Variants in CAST observed in about 807,000 individuals in gnomAD.
CAST encodes calpastatin, also known as MIR583 host.
In CAST, 76 loss-of-function variants were observed where a neutral mutation model predicts 119.6. The observed-to-expected ratio is 0.64, with a 90% CI of 0.53 to 0.77. The LOEUF is 0.77. CAST is among the 30% of genes least tolerant of loss of function. The pLI is 0.00. For synonymous variants in CAST, 319 were observed against 331.6 expected (o/e 0.96, Z 0.41); for missense variants, 953 against 946.5 (o/e 1.01, Z -0.09).
At chr5:96,491,524 A>AAAAAAAAAAAAAC in the CAST span, among the ~76,000 whole-genome samples, 1 of 143,784 alleles carries the variant, frequency 7.0e-6, no homozygotes, top group Non-Finnish European at 1.5e-5. Context: ...AAAAAAAAAA[A>AAAAAAAAAAAAAC]ATTAAAAAGA....
the CAST span, among the ~76,000 whole-genome samples, chr5:96,301,517 C>T: frequency 9.4e-4 from 143 of 152,264 alleles, no homozygotes; most frequent in African/African-American, 3.4e-3. Flanking sequence ...CAAGGCAAGT[C>T]TCTTCCACCT....
At chr5:96,120,993 A>G in the CAST span, among the ~76,000 whole-genome samples, 1 of 151,932 alleles carries the variant, frequency 6.6e-6, no homozygotes, top group Admixed American at 6.6e-5. Context: ...GACCTTTCCT[A>G]GCCACCTTGT....
chr5:95,961,753 C>T, the CAST span: 6 of 1,570,986 alleles, frequency 3.8e-6, no homozygotes, highest in African/African-American at 1.4e-5. Context: ...CCGCCGCCGC[C>T]GCTCCGGCTC....
At chr5:96,144,800 C>G in the CAST span, among the ~76,000 whole-genome samples, 1 of 151,988 alleles carries the variant, frequency 6.6e-6, no homozygotes, top group South Asian at 2.1e-4. Context: ...CCTCAGCCTC[C>G]TGAGTAGCTG....
At chr5:96,761,209 G>A (rs1030098497) in intron 24 of CAST, 5 of 152,090 alleles carry the variant, frequency 3.3e-5, no homozygotes, top group Non-Finnish European at 7.4e-5. Context: ...AGTATTAAAA[G>A]GCTTAAATAA....
the CAST span, among the ~76,000 whole-genome samples, chr5:96,175,466 A>G: frequency 1.3e-5 from 2 of 152,256 alleles, no homozygotes; most frequent in African/African-American, 4.8e-5. Context: ...CCCTGCTGTT[A>G]TAGAAACTAT....
the CAST span, among the ~76,000 whole-genome samples, chr5:96,384,803 T>G: frequency 1.3e-5 from 2 of 152,176 alleles, no homozygotes; most frequent in Non-Finnish European, 2.9e-5. Context: ...GGATTCTGTC[T>G]GGACAAATGC....
In CAST at chr5:96,740,040, T is replaced by A; in HGVS notation, c.801T>A (p.Asp267Glu). The change falls in exon 12 of 32, where the codon GAT (aspartate) becomes GAA (glutamate). Residue 267 changes from aspartate (D) to glutamate (E), a missense_variant and splice_region_variant. Asp to Glu is a conservative substitution (Grantham distance 45). Transcript: ENST00000675179. ...CTATGTGTATGATTTTGTTCCAGGA[T>A]CCAATGAGTTCCACCTACATAGAGG... ...NTTYTGPEVS[D>E]PMSSTYIEEL... The A allele has an allele frequency of 6.6e-7, 1 of 1,525,596 alleles. No homozygotes were observed. Among genetic ancestry groups the A allele is most frequent in the South Asian group, 1.2e-5 (1 of 84,730 alleles). The allele number at this position is 1,525,596 out of a possible 1,614,324, so 94.5% of individuals were successfully genotyped here. A position where few individuals can be genotyped will look rare whatever the true frequency, so the allele number is the denominator to read the frequency against.
chr5:96,555,296 T>C (rs1339256291), intron 1 of CAST, among the ~76,000 whole-genome samples: 1 of 152,148 alleles, frequency 6.6e-6, no homozygotes, highest in East Asian at 1.9e-4. Context: ...GCTCCCAGCA[T>C]GAGCGACACA....
chr5:96,343,423 CTT>C, the CAST span, among the ~76,000 whole-genome samples: 149 of 152,194 alleles, frequency 9.8e-4, no homozygotes, highest in African/African-American at 3.3e-3. Flanking sequence ...TGCTTGCTAC[CTT>C]TTTAGGGGGT....
intron 1 of CAST, among the ~76,000 whole-genome samples, chr5:96,641,491 C>A (rs954911145): frequency 2.6e-5 from 4 of 152,280 alleles, no homozygotes; most frequent in Non-Finnish European, 4.4e-5. Flanking sequence ...GCTGGGCCAA[C>A]AACTAACTAG....
chr5:95,961,868 C>G, the CAST span: 10 of 1,062,934 alleles, frequency 9.4e-6, no homozygotes, highest in East Asian at 3.2e-4. Flanking sequence ...AGCCAGACCT[C>G]GGACTGCCAC....
the CAST span, among the ~76,000 whole-genome samples, chr5:95,963,725 C>CTTTTTT: frequency 1.2e-4 from 15 of 129,990 alleles, no homozygotes; most frequent in South Asian, 4.9e-4. Flanking sequence ...TTCTCTCTCT[C>CTTTTTT]TTTTTTTTTT....
At chr5:96,052,675 A>T in the CAST span, among the ~76,000 whole-genome samples, 1 of 152,316 alleles carries the variant, frequency 6.6e-6, no homozygotes, top group Middle Eastern at 3.4e-3. Flanking sequence ...TTGGTGTGGA[A>T]ATCATTAGTG....
chr5:96,415,982 T>G, the CAST span: 1 of 1,112,516 alleles, frequency 9.0e-7, no homozygotes, highest in Non-Finnish European at 1.4e-6. Context: ...CAATGGGTGA[T>G]GTAAGCTTCA....
At chr5:96,590,297 T>A (rs1746940494) in intron 1 of CAST, among the ~76,000 whole-genome samples, 1 of 152,222 alleles carries the variant, frequency 6.6e-6, no homozygotes, top group African/African-American at 2.4e-5. Flanking sequence ...TATAAAAATT[T>A]AAGAAGCATT....
intron 1 of CAST, among the ~76,000 whole-genome samples, chr5:96,666,316 A>G (rs10067766): frequency 0.3 from 45,580 of 151,978 alleles, 8,221 homozygotes; most frequent in African/African-American, 0.5. Flanking sequence ...AAGAACATCT[A>G]TGAGCTATGT....
chr5:96,489,621 G>A, the CAST span, among the ~76,000 whole-genome samples: 1 of 152,108 alleles, frequency 6.6e-6, no homozygotes, highest in South Asian at 2.1e-4. Flanking sequence ...GACTCAATTT[G>A]CATGCTTCTC....
chr5:96,729,334 A>AT (rs1759978931), intron 7 of CAST, 125 bp downstream of exon 7: 2 of 640,514 alleles, frequency 3.1e-6, no homozygotes, highest in Admixed American at 6.1e-5. Context: ...TTTCAGCTAA[A>AT]ATGGTGCCAT....
Sources: gnomAD v4.1 joint callset for allele counts (sites outside exome capture counted in the v4.1 genomes callset) on GRCh38, gnomAD v4.1.1 for gene constraint, MANE v1.5 for transcripts, NCBI Gene and HGNC (gene_info 2026-07-23, HGNC 2026-07-21) for gene names.